Variants in PCDHA12 observed in about 807,000 individuals in gnomAD.
PCDHA12 encodes the protein protocadherin alpha-12.
In PCDHA12, 44 loss-of-function variants were observed where a neutral mutation model predicts 60.0. The ratio of observed to expected loss-of-function variants is 0.73; its 90% CI spans 0.58 to 0.94. The LOEUF is 0.94. Among genes scored for constraint, PCDHA12 ranks in the 40% least tolerant of loss-of-function variants. The pLI is 0.00. For missense variants in PCDHA12, 1,276 were observed against 1,239.7 expected, an observed-to-expected ratio of 1.03 and a Z score of -0.44; for synonymous variants, 569 against 553.0, an observed-to-expected ratio of 1.03 and a Z score of -0.40.
At chr5:140,895,273 A>T (rs2064941325) in intron 1 of PCDHA12, among the ~76,000 whole-genome samples, 2 of 151,970 alleles carry the variant, frequency 1.3e-5, no homozygotes, top group South Asian at 4.1e-4. Context: ...TTACTCAGGG[A>T]TAATTGAATT....
chr5:141,002,128 C>T (rs1426506599), intron 3 of PCDHA12, among the ~76,000 whole-genome samples: 1 of 152,244 alleles, frequency 6.6e-6, no homozygotes, highest in African/African-American at 2.4e-5. Context: ...ATTTAATAGC[C>T]TTTGCCGGCT....
At chr5:140,891,419 C>T (rs925275455) in intron 1 of PCDHA12, among the ~76,000 whole-genome samples, 1 of 147,378 alleles carries the variant, frequency 6.8e-6, no homozygotes, top group African/African-American at 2.5e-5. Flanking sequence ...CACTCTTGCC[C>T]CCAAGTCCCC....
chr5:140,927,401 G>A lies in PCDHA12; in HGVS notation c.2367+49562G>A, dbSNP rs782140870. On this transcript the variant is annotated intron_variant, in intron 1 of 3. Transcript: ENST00000398631. ...AGCCTAAGCCCCAGTCAGCACTTTCGCCTGGACATGGGATCGCGGGTTGAC... is the reference window on the plus strand; with the variant it reads ...AGCCTAAGCCCCAGTCAGCACTTTCACCTGGACATGGGATCGCGGGTTGAC... The A allele has an allele frequency of 1.9e-6, 3 of 1,614,192 alleles. No homozygotes were observed. Among genetic ancestry groups the A allele is most frequent in the Non-Finnish European group, 2.5e-6 (3 of 1,180,036 alleles).
rs548394870 is a variant in PCDHA12 at position 140,927,042 on chromosome 5, G to A, written c.2367+49203G>A. ...ACTTGAGGCTGCCAGCGGCCGCTATGTCCTCGCGGAACTTTCGCTTCCTTT... is the reference window on the plus strand; with the variant it reads ...ACTTGAGGCTGCCAGCGGCCGCTATATCCTCGCGGAACTTTCGCTTCCTTT... On this transcript the variant is annotated intron_variant, in intron 1 of 3. Transcript: ENST00000398631. The A allele has an allele frequency of 1.4e-4, 226 of 1,612,386 alleles. 8 individuals are homozygous for A. The South Asian group carries it at 2.4e-3, about 17-fold the overall frequency.
intron 1 of PCDHA12, among the ~76,000 whole-genome samples, chr5:140,954,686 G>T (rs962904413): frequency 6.6e-6 from 1 of 152,024 alleles, no homozygotes; most frequent in African/African-American, 2.4e-5. Context: ...TTGTCAGATG[G>T]ATAGACTACA....
intron 1 of PCDHA12, chr5:140,927,305 C>A: frequency 6.2e-7 from 1 of 1,614,190 alleles, no homozygotes; most frequent in African/African-American, 1.3e-5. Flanking sequence ...GAGTTCCTGA[C>A]GCCCGGAGCC....
rs1237134609 is a variant in PCDHA12 at position 141,011,353 on chromosome 5, A to T, written c.*1416A>T. 6.5e-6 allele frequency: 1 copy of T among 153,692 alleles called. No homozygotes were observed. The highest frequency in any genetic ancestry group is 1.5e-5 in the Non-Finnish European group (1 of 68,032). The allele number at this position is 153,692 out of a possible 1,614,324, so 9.5% of individuals were successfully genotyped here. On this transcript the variant is annotated 3_prime_UTR_variant, in exon 4 of 4. Coordinates refer to ENST00000398631, the MANE Select transcript of PCDHA12 (RefSeq NM_018903.4). ...ATGTTACCTGAAATCAATCTCCCAT[A>T]TGTATGCTGTATGCTATGCTAAGAC...
intron 1 of PCDHA12, among the ~76,000 whole-genome samples, chr5:140,934,025 A>C (rs190533956): frequency 1.2e-3 from 183 of 152,100 alleles, no homozygotes; most frequent in Non-Finnish European, 2.2e-3. Flanking sequence ...ACTTGGAAGT[A>C]GTTTATTAAT....
At position 140,979,408 on chromosome 5, in the gene PCDHA12, G is replaced by GT. The variant is rs558051720; in HGVS notation, c.2426+411dup. Among the ~76,000 whole-genome samples the GT allele has an allele frequency of 3.0e-3, 447 of 147,714 alleles. 2 individuals carry two copies. Among genetic ancestry groups the GT allele is most frequent in the East Asian group, 0.02 (102 of 5,050 alleles). On this transcript the variant is annotated intron_variant, in intron 2 of 3. Coordinates refer to ENST00000398631, the MANE Select transcript of PCDHA12 (RefSeq NM_018903.4). ...TGTATACATACATGTTGTCTACCTT[G>GT]TTTTTTTTTTAATCTCACATTGGCT...
At chr5:141,006,215 TA>T (rs200576602) in intron 3 of PCDHA12, among the ~76,000 whole-genome samples, 4 of 151,640 alleles carry the variant, frequency 2.6e-5, no homozygotes, top group South Asian at 2.1e-4. Flanking sequence ...CATTTTTTTT[TA>T]AATTTTTTAT....
At chr5:140,927,288 C>T (rs917590577) in intron 1 of PCDHA12, 1 of 1,614,196 alleles carries the variant, frequency 6.2e-7, no homozygotes, top group Non-Finnish European at 8.5e-7. Context: ...TGCAGCTGCA[C>T]ATCCCCGAGT....
At chr5:140,925,508 A>C (rs1244251216) in intron 1 of PCDHA12, among the ~76,000 whole-genome samples, 1 of 152,138 alleles carries the variant, frequency 6.6e-6, no homozygotes, top group African/African-American at 2.4e-5. Flanking sequence ...ATATCCACGC[A>C]AAAGACCAAA....
intron 1 of PCDHA12, among the ~76,000 whole-genome samples, chr5:140,945,587 C>A (rs2093812111): frequency 6.6e-6 from 1 of 152,052 alleles, no homozygotes; most frequent in African/African-American, 2.4e-5. Context: ...TCAAAATATA[C>A]TTCAAAGCTA....
At chr5:141,001,509 G>A (rs1025738776) in intron 3 of PCDHA12, among the ~76,000 whole-genome samples, 3 of 152,212 alleles carry the variant, frequency 2.0e-5, no homozygotes, top group Non-Finnish European at 4.4e-5. Context: ...GGTGGGCTTA[G>A]CTTTCTCCCT....
chr5:140,918,311 G>A (rs1286596595), intron 1 of PCDHA12, among the ~76,000 whole-genome samples: 2 of 152,070 alleles, frequency 1.3e-5, no homozygotes, highest in African/African-American at 4.8e-5. Context: ...GGGTTTTCTA[G>A]GTATAAAATT....
chr5:140,952,798 G>T (rs1554220633), intron 1 of PCDHA12, among the ~76,000 whole-genome samples: 1 of 152,138 alleles, frequency 6.6e-6, no homozygotes, highest in African/African-American at 2.4e-5. Flanking sequence ...TAACTGGCTC[G>T]CAGTTCTGCA....
At chr5:140,939,243 T>C (rs1414943094) in intron 1 of PCDHA12, among the ~76,000 whole-genome samples, 1 of 152,168 alleles carries the variant, frequency 6.6e-6, no homozygotes, top group Non-Finnish European at 1.5e-5. Context: ...AGGAGCAAGG[T>C]AGCTCTCTGG....
At chr5:140,906,924 T>G (rs1244538728) in intron 1 of PCDHA12, among the ~76,000 whole-genome samples, 1 of 152,226 alleles carries the variant, frequency 6.6e-6, no homozygotes, top group African/African-American at 2.4e-5. Flanking sequence ...GCCCAAAAAG[T>G]GTCCCGGTGT....
chr5:140,950,738 T>C (rs900517873), intron 1 of PCDHA12, among the ~76,000 whole-genome samples: 5 of 152,150 alleles, frequency 3.3e-5, no homozygotes, highest in African/African-American at 7.2e-5. Flanking sequence ...TTAATCCTAA[T>C]TTCTCTCTAT....
Sources: gnomAD v4.1 joint callset for allele counts (sites outside exome capture counted in the v4.1 genomes callset) on GRCh38, gnomAD v4.1.1 for gene constraint, MANE v1.5 for transcripts, NCBI Gene and HGNC (gene_info 2026-07-23, HGNC 2026-07-21) for gene names.